Variants in PPP4R3B observed in about 807,000 individuals in gnomAD.
PPP4R3B encodes the protein serine/threonine-protein phosphatase 4 regulatory subunit 3B.
PPP4R3B carries 52 observed loss-of-function variants against 95.4 expected under a neutral mutation model. The observed-to-expected ratio is 0.54, with a 90% CI of 0.44 to 0.69. The LOEUF (loss-of-function observed/expected upper bound fraction) is 0.69. Ranked by LOEUF, PPP4R3B falls within the 30% of genes least tolerant of loss-of-function variation. The probability of loss-of-function intolerance (pLI) is 0.00; values close to 1 mark genes in which losing one functional copy is unlikely to be tolerated. For synonymous variants in PPP4R3B, 407 were observed against 343.9 expected (o/e 1.18, Z -2.03); for missense variants, 1,003 against 1,005.9 (o/e 1.00, Z 0.04).
intron 2 of PPP4R3B, among the ~76,000 whole-genome samples, chr2:55,611,875 C>T (rs112073342): frequency 6.6e-6 from 1 of 152,024 alleles, no homozygotes; most frequent in African/African-American, 2.4e-5. Context: ...ACTATAGCTG[C>T]GCACCACCAC....
chr2:55,607,388 C>G (rs1216990377), intron 2 of PPP4R3B, among the ~76,000 whole-genome samples: 1 of 152,200 alleles, frequency 6.6e-6, no homozygotes, highest in African/African-American at 2.4e-5. Flanking sequence ...CTGTTTCCAA[C>G]CAAACGGCTA....
intron 4 of PPP4R3B, among the ~76,000 whole-genome samples, chr2:55,589,983 A>C (rs180828305): frequency 0.036 from 5,189 of 144,614 alleles, 142 homozygotes; most frequent in South Asian, 0.088. Context: ...ATATATATTT[A>C]ATATATTATA....
intron 12 of PPP4R3B, among the ~76,000 whole-genome samples, chr2:55,569,511 T>C (rs1006467007): frequency 1.3e-5 from 2 of 152,264 alleles, no homozygotes; most frequent in East Asian, 1.9e-4. Flanking sequence ...TAGAAAGCAG[T>C]AGCAAATTAG....
At chr2:55,579,416 C>G (rs1448216092) in intron 9 of PPP4R3B, among the ~76,000 whole-genome samples, 1 of 125,066 alleles carries the variant, frequency 8.0e-6, no homozygotes, top group African/African-American at 3.0e-5. Context: ...TCTTTTTTTT[C>G]TGCCAGTGGT....
chr2:55,588,076 C>G (rs1323776888), intron 5 of PPP4R3B, among the ~76,000 whole-genome samples: 1 of 151,994 alleles, frequency 6.6e-6, no homozygotes, highest in Non-Finnish European at 1.5e-5. Context: ...ATCTGGCAAA[C>G]GGCAATCACA....
intron 11 of PPP4R3B, among the ~76,000 whole-genome samples, chr2:55,576,173 C>T (rs1424629111): frequency 6.6e-6 from 1 of 151,752 alleles, no homozygotes; most frequent in African/African-American, 2.4e-5. Flanking sequence ...ATGGTGAAAC[C>T]CCATCTCTAA....
chr2:55,560,433 G>C lies in PPP4R3B; in HGVS notation c.2261-1465C>G, dbSNP rs1041615313. Among the ~76,000 whole-genome samples, 8 of 152,198 alleles carry C rather than the reference G, an allele frequency of 5.3e-5. No individual in the cohort carries two copies. In the East Asian group the frequency reaches 1.3e-3, roughly 26 times the overall value. On this transcript the variant is annotated intron_variant, in intron 15 of 16. Coordinates refer to ENST00000616407, the MANE Select transcript of PPP4R3B (RefSeq NM_001122964.3). ...AGATCTGTGGAACTTGAACTTGAGA[G>C]AGATGATTTAGGATATCTGGTGGAA... is the stretch of plus-strand genomic sequence containing the variant.
At chr2:55,615,857 C>CAAAAAAAAAAAAAA (rs58981030) in intron 1 of PPP4R3B, among the ~76,000 whole-genome samples, 5 of 39,064 alleles carry the variant, frequency 1.3e-4, no homozygotes, top group African/African-American at 9.0e-4. Flanking sequence ...ACTCTGTCTC[C>CAAAAAAAAAAAAAA]AAAAAAAAAA....
chr2:55,558,917 C>T lies in PPP4R3B; in HGVS notation c.2312G>A (p.Gly771Asp), dbSNP rs1274756273. Residue 771 changes from glycine to aspartate, a missense_variant, in exon 16 of 17, where the codon GGC (glycine) becomes GAC (aspartate). Physicochemically the swap from Gly to Asp is moderately conservative, Grantham distance 94. Transcript: ENST00000616407. ...AGAGTGGGAGAAAGTAAATTTGAAG[C>T]CACCAGGAGATGTCCTTTTGGGAAG... ...ENLPKRTSPG[G>D]FKFTFSHSAS... 12 of 1,613,494 alleles carry T rather than the reference C, an allele frequency of 7.4e-6. No individual in the cohort carries two copies. The highest frequency in any genetic ancestry group is 1.0e-5 in the Non-Finnish European group (12 of 1,179,744).
At chr2:55,575,128 G>C (rs974188011) in intron 11 of PPP4R3B, among the ~76,000 whole-genome samples, 2 of 150,804 alleles carry the variant, frequency 1.3e-5, no homozygotes, top group African/African-American at 4.9e-5. Context: ...TTTCAGTAGA[G>C]ATGGGGTTTC....
chr2:55,572,847 G>A (rs1269760130), intron 12 of PPP4R3B, among the ~76,000 whole-genome samples: 1 of 152,096 alleles, frequency 6.6e-6, no homozygotes, highest in Non-Finnish European at 1.5e-5. Context: ...ATCTGTGGAA[G>A]AGCCATACTA....
chr2:55,557,905 A>G lies in PPP4R3B; in HGVS notation c.2454+870T>C, dbSNP rs573837761. On this transcript the variant is annotated intron_variant, in intron 16 of 16. Coordinates refer to ENST00000616407, the MANE Select transcript of PPP4R3B (RefSeq NM_001122964.3). ...TAAAAAAAGTAACCAAGGGAAATAC[A>G]TTTGTTATAAGAACAACAGAAAGTC... is the stretch of plus-strand genomic sequence containing the variant. 2.0e-5 allele frequency among the ~76,000 whole-genome samples: 3 copies of G among 152,348 alleles called. No individual in the cohort carries two copies. The East Asian group carries it at 5.8e-4, about 29-fold the overall frequency.
intron 4 of PPP4R3B, among the ~76,000 whole-genome samples, chr2:55,589,929 A>T (rs1206022526): frequency 2.3e-5 from 3 of 133,308 alleles, no homozygotes; most frequent in Middle Eastern, 4.1e-3. Flanking sequence ...AAAAAAAAAA[A>T]TTATATATAT....
chr2:55,581,457 T>A (rs1228098507), intron 8 of PPP4R3B, 110 bp downstream of exon 8: 2 of 1,192,290 alleles, frequency 1.7e-6, no homozygotes, highest in East Asian at 5.0e-5. Context: ...CCACTGCTAC[T>A]TAAATACCAA....
At chr2:55,606,468 T>A (rs1460451116) in intron 2 of PPP4R3B, among the ~76,000 whole-genome samples, 1 of 152,066 alleles carries the variant, frequency 6.6e-6, no homozygotes. Context: ...GTGGATCACT[T>A]GAGGCCAGGA....
chr2:55,614,754 T>A (rs1002541811), intron 2 of PPP4R3B: 14 of 152,304 alleles, frequency 9.2e-5, no homozygotes, highest in African/African-American at 3.1e-4. Flanking sequence ...CATTGTTAAA[T>A]CTGGTGGTGT....
At chr2:55,609,022 C>G (rs994998216) in intron 2 of PPP4R3B, among the ~76,000 whole-genome samples, 24 of 152,150 alleles carry the variant, frequency 1.6e-4, no homozygotes, top group African/African-American at 5.8e-4. Flanking sequence ...AGATAGTGAC[C>G]AGCCAGAAGC....
Position 55,598,535 on chromosome 2 carries a change from T to A in PPP4R3B, c.802A>T (p.Arg268Trp), listed in dbSNP as rs1474755238. Residue 268 changes from arginine (R) to tryptophan (W), a missense_variant, in exon 4 of 17, where the codon AGG becomes TGG. Transcript: ENST00000616407. ...ELRQKIHQTY[R>W]VQYIQDIILP... Reference sequence around the variant, plus strand: ...ATGATGTCCTGAATGTACTGTACCCTGTAAGTCTGATGTATTTTTTGCCTT... The same window carrying A: ...ATGATGTCCTGAATGTACTGTACCCAGTAAGTCTGATGTATTTTTTGCCTT... The A allele has an allele frequency of 6.2e-7, 1 of 1,614,062 alleles. No individual in the cohort carries two copies. The highest frequency in any genetic ancestry group is 8.5e-7 in the Non-Finnish European group (1 of 1,180,040).
intron 11 of PPP4R3B, among the ~76,000 whole-genome samples, chr2:55,574,050 G>C (rs193193550): frequency 7.6e-4 from 115 of 151,606 alleles, no homozygotes; most frequent in Non-Finnish European, 1.2e-3. Flanking sequence ...CACCATGCTA[G>C]CTAATTTTTT....
Sources: gnomAD v4.1 joint callset for allele counts (sites outside exome capture counted in the v4.1 genomes callset) on GRCh38, gnomAD v4.1.1 for gene constraint, MANE v1.5 for transcripts, NCBI Gene and HGNC (gene_info 2026-07-23, HGNC 2026-07-21) for gene names.